Variants in NUDT6 observed in about 807,000 individuals in gnomAD.
NUDT6 encodes the protein FAD diphosphatase NUDT6.
Under a neutral mutation model 36.8 loss-of-function variants are expected in NUDT6, and 24 were observed. The observed-to-expected ratio is 0.65, with a 90% CI of 0.47 to 0.92. The LOEUF (loss-of-function observed/expected upper bound fraction) is 0.92, where lower values mean the gene tolerates loss of function less well. Ranked by LOEUF, NUDT6 falls within the 40% of genes least tolerant of loss-of-function variation. The probability of loss-of-function intolerance (pLI) is 0.00; values close to 1 mark genes in which losing one functional copy is unlikely to be tolerated. For synonymous variants in NUDT6, 163 were observed against 157.0 expected, an observed-to-expected ratio of 1.04 and a Z score of -0.29; for missense variants, 388 against 392.8, an observed-to-expected ratio of 0.99 and a Z score of 0.10.
At chr4:122,901,945 A>T (rs951371216) in intron 3 of NUDT6, among the ~76,000 whole-genome samples, 45 of 152,214 alleles carry the variant, frequency 3.0e-4, no homozygotes, top group African/African-American at 1.1e-3. Flanking sequence ...CAGACCTGCT[A>T]GCCTTTTCCC....
chr4:122,922,529 G>T lies in NUDT6; in HGVS notation c.44C>A (p.Ala15Asp). The T allele has an allele frequency of 6.2e-7, 1 of 1,605,094 alleles. No individual in the cohort carries two copies. ...CGAAGGCCCGGGGCCGTAGGTTCGG[G>T]CAAGCATCGCGCGCCAGCGGCCCCA... ...LSWGRWRAML[A>D]RTYGPGPSAG... is the part of the protein sequence containing the mutation. The change falls in exon 1 of 5, where the codon GCC (alanine) becomes GAC (aspartate). Residue 15 changes from alanine to aspartate, a missense_variant. Ala to Asp is a moderately radical substitution (Grantham distance 126, BLOSUM62 -2). Coordinates refer to ENST00000304430, the MANE Select transcript of NUDT6 (RefSeq NM_007083.5).
chr4:122,914,570 C>G (rs1473845120), intron 2 of NUDT6, among the ~76,000 whole-genome samples: 1 of 152,084 alleles, frequency 6.6e-6, no homozygotes, highest in African/African-American at 2.4e-5. Context: ...TACATTAGCT[C>G]AGGTATAAGT....
At chr4:122,907,875 A>G (rs1330460534) in intron 3 of NUDT6, among the ~76,000 whole-genome samples, 1 of 152,120 alleles carries the variant, frequency 6.6e-6, no homozygotes, top group Non-Finnish European at 1.5e-5. Context: ...TAATCTGTAG[A>G]TCTCTAAGGT....
At chr4:122,903,264 T>C (rs1341007989) in intron 3 of NUDT6, among the ~76,000 whole-genome samples, 1 of 152,216 alleles carries the variant, frequency 6.6e-6, no homozygotes, top group African/African-American at 2.4e-5. Flanking sequence ...AACTTTCTTA[T>C]ATAATTTGAA....
At chr4:122,910,367 T>C (rs1011735327) in intron 3 of NUDT6, among the ~76,000 whole-genome samples, 6 of 152,280 alleles carry the variant, frequency 3.9e-5, no homozygotes, top group Non-Finnish European at 7.4e-5. Flanking sequence ...GGAAAGCTCC[T>C]TTTTTTCCAG....
At chr4:122,922,653 G>T, upstream of NUDT6, 1 of 1,244,066 alleles carries the variant, frequency 8.0e-7, no homozygotes. Flanking sequence ...CATTTTAGAA[G>T]AGTGCCATCA....
chr4:122,917,158 A>C (rs964798595), intron 2 of NUDT6, among the ~76,000 whole-genome samples: 14 of 152,264 alleles, frequency 9.2e-5, no homozygotes, highest in African/African-American at 3.4e-4. Flanking sequence ...GAGAGAGACC[A>C]CATTCACATA....
rs186401704 is a variant in NUDT6 at position 122,917,712 on chromosome 4, C to T, written c.239-8G>A. The T allele has an allele frequency of 4.3e-6, 7 of 1,611,776 alleles. No homozygotes were observed. The East Asian group carries it at 1.6e-4, about 36-fold the overall frequency. On this transcript the variant is annotated splice_polypyrimidine_tract_variant and splice_region_variant and intron_variant, in intron 1 of 4. Transcript: ENST00000304430. ...GCCATTGCTGTACTGCAGCTAAATG[C>T]AGAAGAAAAAAGTCTAAATAATTTC... is the stretch of plus-strand genomic sequence containing the variant.
chr4:122,909,665 TCTTTAG>T (rs778261595), intron 3 of NUDT6, among the ~76,000 whole-genome samples: 24 of 152,296 alleles, frequency 1.6e-4, no homozygotes, highest in Admixed American at 3.3e-4. Flanking sequence ...TTTTTAATTC[TCTTTAG>T]AGATGACTAC....
At chr4:122,902,945 C>A (rs1448520852) in intron 3 of NUDT6, among the ~76,000 whole-genome samples, 1 of 152,076 alleles carries the variant, frequency 6.6e-6, no homozygotes, top group East Asian at 1.9e-4. Context: ...GAGCAACTGG[C>A]TTGGATATCT....
At position 122,893,160 on chromosome 4, in the gene NUDT6, T is replaced by G. The variant is rs1727239761; in HGVS notation, c.619A>C (p.Ser207Arg). Residue 207 changes from serine (S) to arginine (R), a missense_variant, in exon 5 of 5, where the codon AGT (serine) becomes CGT (arginine). Ser to Arg is a moderately radical substitution (Grantham distance 110). Coordinates refer to ENST00000304430, the MANE Select transcript of NUDT6 (RefSeq NM_007083.5). ...GIKSEFRSVLSIRQQHTNPGA... is the reference protein window; with the variant it reads ...GIKSEFRSVLRIRQQHTNPGA... ...GGATTTGTGTGCTGTTGCCGAATACTCAGGACGGACCTGAATTCTGATTTT... is the reference window on the plus strand; with the variant it reads ...GGATTTGTGTGCTGTTGCCGAATACGCAGGACGGACCTGAATTCTGATTTT... 6.2e-7 allele frequency: 1 copy of G among 1,614,188 alleles called. No homozygotes were observed. Among genetic ancestry groups the G allele is most frequent in the Non-Finnish European group, 8.5e-7 (1 of 1,180,034 alleles).
chr4:122,914,144 A>G (rs1415319694), intron 2 of NUDT6, among the ~76,000 whole-genome samples: 1 of 152,230 alleles, frequency 6.6e-6, no homozygotes, highest in Non-Finnish European at 1.5e-5. Context: ...ATTATATAGA[A>G]TATTAGAAGG....
intron 2 of NUDT6, among the ~76,000 whole-genome samples, chr4:122,914,831 A>C (rs994143006): frequency 6.6e-6 from 1 of 152,232 alleles, no homozygotes; most frequent in Admixed American, 6.5e-5. Flanking sequence ...TGACCAAGAC[A>C]GATAAAATAT....
At position 122,922,363 on chromosome 4, in the gene NUDT6, G is replaced by A. The variant is rs749004657; in HGVS notation, c.210C>T (p.Asp70=). The A allele has an allele frequency of 1.2e-6, 2 of 1,604,072 alleles. No individual in the cohort carries two copies. The highest frequency in any genetic ancestry group is 1.7e-6 in the Non-Finnish European group (2 of 1,179,118). Residue 70 remains aspartate (D), a synonymous_variant, in exon 1 of 5, where the codon GAC becomes GAT. Coordinates refer to ENST00000304430, the MANE Select transcript of NUDT6 (RefSeq NM_007083.5). ...GCAAGCCCTTCTGGAAGGCGGCAGC[G>A]TCCAGGCGGTCCAGCGCATCGAGCC... is the stretch of plus-strand genomic sequence containing the variant. The part of the protein sequence containing the change: ...LARLDALDRL[D]AAAFQKGLQA...
At position 122,908,670 on chromosome 4, in the gene NUDT6, A is replaced by G. The variant is rs571794641; in HGVS notation, c.498+3898T>C. Among the ~76,000 whole-genome samples the G allele has an allele frequency of 3.3e-5, 5 of 152,320 alleles. No homozygotes were observed. In the South Asian group the frequency reaches 1.0e-3, roughly 32 times the overall value. ...TGCATTTCCCAGACCAAGGTCATTCATTGGTTCAAAATAAACCTTTTAAAA... is the reference window on the plus strand; with the variant it reads ...TGCATTTCCCAGACCAAGGTCATTCGTTGGTTCAAAATAAACCTTTTAAAA... On this transcript the variant is annotated intron_variant, in intron 3 of 4. Transcript: ENST00000304430.
chr4:122,897,722 AAC>A (rs771405199), intron 3 of NUDT6, 44 bp from the exon 4 acceptor site: 21 of 1,233,032 alleles, frequency 1.7e-5, no homozygotes, highest in African/African-American at 3.0e-5. Flanking sequence ...AACTTTCACT[AAC>A]ACACACATAT....
intron 2 of NUDT6, among the ~76,000 whole-genome samples, chr4:122,915,470 A>AAAAAAAAAAAAAAC (rs2150808973): frequency 6.8e-5 from 1 of 14,788 alleles, no homozygotes; most frequent in African/African-American, 2.1e-4. Flanking sequence ...ACCCTGCCTC[A>AAAAAAAAAAAAAAC]AAAAAAAAAA....
intron 2 of NUDT6, among the ~76,000 whole-genome samples, chr4:122,916,395 A>G (rs1419020849): frequency 6.6e-6 from 1 of 152,228 alleles, no homozygotes; most frequent in Non-Finnish European, 1.5e-5. Context: ...TGGCACAATA[A>G]TGTAAATATT....
upstream of NUDT6, chr4:122,922,628 G>C: frequency 6.1e-6 from 9 of 1,464,160 alleles, no homozygotes; most frequent in Non-Finnish European, 6.5e-6. Context: ...CTCCAGAGCG[G>C]AGATCGCGGC....
Sources: gnomAD v4.1 joint callset for allele counts (sites outside exome capture counted in the v4.1 genomes callset) on GRCh38, gnomAD v4.1.1 for gene constraint, MANE v1.5 for transcripts, NCBI Gene and HGNC (gene_info 2026-07-23, HGNC 2026-07-21) for gene names.